Variants in PRCP observed in about 807,000 individuals in gnomAD.
PRCP encodes lysosomal Pro-X carboxypeptidase.
In PRCP, 46 loss-of-function variants were observed where a neutral mutation model predicts 54.2. The ratio of observed to expected loss-of-function variants is 0.85; its 90% confidence interval spans 0.67 to 1.09. The LOEUF (loss-of-function observed/expected upper bound fraction) is 1.09, where lower values mean the gene tolerates loss of function less well. Ranked by LOEUF, PRCP falls within the 50% of genes least tolerant of loss-of-function variation. The probability of loss-of-function intolerance (pLI) is 0.00; values close to 1 mark genes in which losing one functional copy is unlikely to be tolerated. For synonymous variants in PRCP, 240 were observed against 212.2 expected (o/e 1.13, Z -1.14); for missense variants, 613 against 596.8 (o/e 1.03, Z -0.28).
In PRCP at chr11:82,839,150, C is replaced by T. The variant is rs145843232; in HGVS notation, c.1086+111G>A. ...TATCACAGCATAAGGTAACAGAGCC[C>T]AAAACTGGATCCAGGTTAGGTGACA... On this transcript the variant is annotated intron_variant, in intron 7 of 8. Coordinates refer to ENST00000313010, the MANE Select transcript of PRCP (RefSeq NM_005040.4). The T allele has an allele frequency of 2.1e-4, 245 of 1,171,032 alleles. No individual in the cohort carries two copies. In the African/African-American group the frequency reaches 3.4e-3, roughly 16 times the overall value. 72.5% of individuals were successfully genotyped at this position (1,171,032 alleles called of 1,614,324 possible). A position where few individuals can be genotyped will look rare whatever the true frequency, so the allele number is the denominator to read the frequency against.
intron 8 of PRCP, chr11:82,830,263 A>T (rs1359671466): frequency 6.6e-6 from 1 of 152,118 alleles, no homozygotes; most frequent in African/African-American, 2.4e-5. Flanking sequence ...TGAAAATGTA[A>T]ATGTACAAAT....
intron 1 of PRCP, among the ~76,000 whole-genome samples, chr11:82,895,938 G>A (rs1860110361): frequency 6.6e-6 from 1 of 152,188 alleles, no homozygotes; most frequent in South Asian, 2.1e-4. Flanking sequence ...GGAAGGAGCT[G>A]CAGAAGTCAG....
chr11:82,886,136 T>C (rs1282370548), intron 1 of PRCP, among the ~76,000 whole-genome samples: 1 of 152,196 alleles, frequency 6.6e-6, no homozygotes, highest in East Asian at 1.9e-4. Context: ...CAGAAGAAAG[T>C]TCTGTATAAT....
chr11:82,839,552 G>T, intron 6 of PRCP, 127 bp from the exon 7 acceptor site: 1 of 1,001,216 alleles, frequency 1.0e-6, no homozygotes, highest in South Asian at 1.6e-5. Flanking sequence ...TAACTGCAGT[G>T]TTTAATTTCT....
At chr11:82,828,227 A>G (rs779219289) in intron 8 of PRCP, 2 of 152,210 alleles carry the variant, frequency 1.3e-5, no homozygotes, top group Non-Finnish European at 2.9e-5. Flanking sequence ...TAAAAACCCT[A>G]GTCCAATGCT....
intron 8 of PRCP, among the ~76,000 whole-genome samples, chr11:82,834,970 A>T (rs1462626513): frequency 6.6e-6 from 1 of 152,216 alleles, no homozygotes; most frequent in Non-Finnish European, 1.5e-5. Flanking sequence ...AAGCTGAGGC[A>T]AGAGAATGGC....
At chr11:82,856,494 A>G (rs1859084076) in intron 2 of PRCP, among the ~76,000 whole-genome samples, 1 of 152,182 alleles carries the variant, frequency 6.6e-6, no homozygotes, top group Non-Finnish European at 1.5e-5. Flanking sequence ...AAAGAGGGGA[A>G]CAATAGACAC....
rs369936159 is a variant in PRCP, at chr11:82,872,749, T to C, written c.169-12632A>G. 4.6e-5 allele frequency among the ~76,000 whole-genome samples: 7 copies of C among 152,328 alleles called. No individual in the cohort carries two copies. In the East Asian group the frequency reaches 1.3e-3, roughly 29 times the overall value. On this transcript the variant is annotated intron_variant, in intron 1 of 8. Coordinates refer to ENST00000313010, the MANE Select transcript of PRCP (RefSeq NM_005040.4). ...CTCGGGAAGTGAGAGGATAAACTTC[T>C]ATTGTTTTAAGCCTCCTAGTTTGTG...
At chr11:82,843,951 C>A (rs1355190014) in intron 6 of PRCP, among the ~76,000 whole-genome samples, 1 of 150,390 alleles carries the variant, frequency 6.6e-6, no homozygotes, top group East Asian at 1.9e-4. Flanking sequence ...CACCCTCAAA[C>A]CTGGTTATGC....
chr11:82,829,267 A>G (rs1858319542), intron 8 of PRCP: 1 of 152,300 alleles, frequency 6.6e-6, no homozygotes, highest in East Asian at 1.9e-4. Flanking sequence ...CTAAGTCCTT[A>G]CTAGAACCAA....
intron 8 of PRCP, chr11:82,825,632 G>GGAAA (rs1858210715): frequency 6.5e-6 from 1 of 153,440 alleles, no homozygotes; most frequent in Non-Finnish European, 1.4e-5. Flanking sequence ...GGGAAAGGGA[G>GGAAA]GAAAGAAGAA....
chr11:82,896,734 G>C (rs1156693186), intron 1 of PRCP, among the ~76,000 whole-genome samples: 1 of 147,450 alleles, frequency 6.8e-6, no homozygotes, highest in African/African-American at 2.5e-5. Context: ...AAGAAATTCT[G>C]CCAGCAGAAT....
intron 1 of PRCP, among the ~76,000 whole-genome samples, chr11:82,891,360 C>G (rs1219011833): frequency 6.6e-6 from 1 of 152,186 alleles, no homozygotes; most frequent in African/African-American, 2.4e-5. Flanking sequence ...CGTCTCTAAT[C>G]TGAAATTTTG....
At chr11:82,848,814 A>T (rs1409741840) in intron 6 of PRCP, among the ~76,000 whole-genome samples, 1 of 152,168 alleles carries the variant, frequency 6.6e-6, no homozygotes, top group East Asian at 1.9e-4. Flanking sequence ...ACAACTCTAT[A>T]ATCAATGAAT....
rs1227831281 is a variant in PRCP at position 82,824,275 on chromosome 11, A to C, written c.*631T>G. ...AAAGCTGCCAAGTGGAAGAGAAAAA[A>C]TTAAAGGACTTTCCAAAAACAGCTA... On this transcript the variant is annotated 3_prime_UTR_variant, in exon 9 of 9. Coordinates refer to ENST00000313010, the MANE Select transcript of PRCP (RefSeq NM_005040.4). 1.3e-5 allele frequency: 2 copies of C among 152,452 alleles called. No homozygotes were observed. The highest frequency in any genetic ancestry group is 2.9e-5 in the Non-Finnish European group (2 of 68,114). The allele number at this position is 152,452 out of a possible 1,614,324, so 9.4% of individuals were successfully genotyped here.
intron 8 of PRCP, among the ~76,000 whole-genome samples, chr11:82,831,944 C>A (rs1038541906): frequency 4.6e-5 from 7 of 151,992 alleles, no homozygotes; most frequent in African/African-American, 1.7e-4. Flanking sequence ...GTTCAACTCA[C>A]ACTTATGAGT....
rs144485803 is a variant in PRCP at position 82,885,130 on chromosome 11, G to A, written c.168+15105C>T. On this transcript the variant is annotated intron_variant, in intron 1 of 8. Coordinates refer to ENST00000313010, the MANE Select transcript of PRCP (RefSeq NM_005040.4). ...ATAACAGAAACAGGGTAGTGTCTTC[G>A]TGACAGTAAGAACCTCTTATACACC... 4.0e-3 allele frequency among the ~76,000 whole-genome samples: 604 copies of A among 152,258 alleles called. 7 individuals carry two copies. The highest frequency in any genetic ancestry group is 0.013 in the African/African-American group (558 of 41,556).
chr11:82,840,249 A>T (rs966562373), intron 6 of PRCP: 2 of 152,138 alleles, frequency 1.3e-5, no homozygotes, highest in Admixed American at 1.3e-4. Flanking sequence ...GTGAGGACTG[A>T]CTAAACAGAG....
Position 82,838,408 on chromosome 11 carries a change from G to A in PRCP, c.1253C>T (p.Ser418Leu). Residue 418 changes from serine (S) to leucine (L), a missense_variant, in exon 8 of 9, where the codon TCA (serine) becomes TTA (leucine). Coordinates refer to ENST00000313010, the MANE Select transcript of PRCP (RefSeq NM_005040.4). ...TCACCTGAAAACAATGTTTGTGTGT[G>A]AACTAATGTTTTTGCCTCCATACAT... The part of the protein sequence containing the change: ...TTMYGGKNIS[S>L]HTNIVFSNGE... 1 of 1,611,204 alleles carries A rather than the reference G, an allele frequency of 6.2e-7. No homozygotes were observed. Among genetic ancestry groups the A allele is most frequent in the Non-Finnish European group, 8.5e-7 (1 of 1,178,948 alleles).
Sources: allele counts gnomAD v4.1 joint callset (sites outside exome capture counted in the v4.1 genomes callset), GRCh38; gene constraint gnomAD v4.1.1; transcripts MANE v1.5; gene names NCBI Gene and HGNC (gene_info 2026-07-23, HGNC 2026-07-21).